SPOPL: variants seen among roughly 807,000 people sequenced by gnomAD.
SPOPL encodes speckle-type POZ protein-like.
SPOPL carries 23 observed loss-of-function variants against 53.8 expected under a neutral mutation model. That is an observed-to-expected ratio of 0.43 (90% confidence interval 0.31 to 0.61). The LOEUF is 0.61. Ranked by LOEUF, SPOPL falls within the 20% of genes least tolerant of loss-of-function variation. The probability of loss-of-function intolerance (pLI) is 0.12; values close to 1 mark genes in which losing one functional copy is unlikely to be tolerated. For missense variants in SPOPL, 442 were observed against 466.9 expected (o/e 0.95, Z 0.49); for synonymous variants, 164 against 149.7 (o/e 1.10, Z -0.70).
Position 138,550,112 on chromosome 2 carries a change from C to A in SPOPL, c.-60-45C>A. 5 of 909,064 alleles carry A rather than the reference C, an allele frequency of 5.5e-6. No individual in the cohort carries two copies. The South Asian group carries it at 6.2e-5, about 11-fold the overall frequency. The allele number at this position is 909,064 out of a possible 1,614,324, so 56.3% of individuals were successfully genotyped here. ...AATATGTCTTCCCTCTTGATTCTGT[C>A]GTTTAAACTTTTTAATCAGTACATC... On this transcript the variant is annotated intron_variant, in intron 1 of 10. Coordinates refer to ENST00000280098, the MANE Select transcript of SPOPL (RefSeq NM_001001664.3).
At chr2:138,537,963 G>T (rs951484074) in intron 1 of SPOPL, among the ~76,000 whole-genome samples, 1 of 152,064 alleles carries the variant, frequency 6.6e-6, no homozygotes, top group Non-Finnish European at 1.5e-5. Flanking sequence ...ATGGGGGTCT[G>T]TTCACATTTT....
At chr2:138,508,512 G>T (rs1255848227) in intron 1 of SPOPL, among the ~76,000 whole-genome samples, 1 of 151,992 alleles carries the variant, frequency 6.6e-6, no homozygotes, top group Admixed American at 6.6e-5. Context: ...TGTATTTTTA[G>T]TAGAGATGGG....
At chr2:138,564,290 C>G (rs768991222) in intron 8 of SPOPL, 1 of 167,824 alleles carries the variant, frequency 6.0e-6, no homozygotes, top group South Asian at 1.5e-4. Flanking sequence ...TACACTAATA[C>G]CTGCAAGAAT....
At chr2:138,565,751 T>C (rs1207297166) in intron 10 of SPOPL, among the ~76,000 whole-genome samples, 1 of 151,540 alleles carries the variant, frequency 6.6e-6, no homozygotes, top group Non-Finnish European at 1.5e-5. Flanking sequence ...TTTTTTTTTT[T>C]GAGACAGAGT....
intron 1 of SPOPL, among the ~76,000 whole-genome samples, chr2:138,509,491 C>G (rs1684283498): frequency 6.6e-6 from 1 of 151,990 alleles, no homozygotes; most frequent in Admixed American, 6.6e-5. Context: ...ACCATTGTTT[C>G]CTGTTTGGGT....
chr2:138,514,035 G>A (rs531853739), intron 1 of SPOPL, among the ~76,000 whole-genome samples: 4 of 152,160 alleles, frequency 2.6e-5, no homozygotes, highest in Non-Finnish European at 5.9e-5. Context: ...CAGCATGTAT[G>A]GTGTTTTATC....
chr2:138,518,490 A>G (rs1464970534), intron 1 of SPOPL, among the ~76,000 whole-genome samples: 2 of 152,270 alleles, frequency 1.3e-5, no homozygotes, highest in Non-Finnish European at 2.9e-5. Flanking sequence ...CTTGTTCAAG[A>G]GTATAAAACC....
intron 1 of SPOPL, among the ~76,000 whole-genome samples, chr2:138,533,486 C>T (rs1413469273): frequency 6.6e-6 from 1 of 152,022 alleles, no homozygotes; most frequent in African/African-American, 2.4e-5. Context: ...CTTCATACCC[C>T]AGGTTTCGTT....
Position 138,527,168 on chromosome 2 carries a change from G to A in SPOPL, c.-60-22989G>A, listed in dbSNP as rs151263801. Among the ~76,000 whole-genome samples the A allele has an allele frequency of 5.5e-3, 832 of 151,914 alleles. 8 individuals are homozygous for A. The highest frequency in any genetic ancestry group is 0.019 in the African/African-American group (802 of 41,418). ...GATTTTCTTTTTTTAATGGAATTTT[G>A]TAGTTTTATCCAGATGTGTCTAGGT... On this transcript the variant is annotated intron_variant, in intron 1 of 10. Transcript: ENST00000280098.
chr2:138,517,864 T>A (rs1411959658), intron 1 of SPOPL, among the ~76,000 whole-genome samples: 1 of 151,124 alleles, frequency 6.6e-6, no homozygotes, highest in Non-Finnish European at 1.5e-5. Context: ...CTGGCCAACA[T>A]GGTGCAAAAA....
chr2:138,512,041 T>C (rs1055084607), intron 1 of SPOPL, among the ~76,000 whole-genome samples: 3 of 152,224 alleles, frequency 2.0e-5, no homozygotes, highest in Admixed American at 2.0e-4. Context: ...GCTTTGCATA[T>C]ATATTGGTTA....
intron 5 of SPOPL, 46 bp from the exon 6 acceptor site, chr2:138,558,976 A>T (rs898727624): frequency 6.7e-7 from 1 of 1,495,650 alleles, no homozygotes; most frequent in Non-Finnish European, 9.0e-7. Context: ...CTAATTACTG[A>T]TATTACTTTG....
At chr2:138,564,885 C>T (rs373324440) in intron 9 of SPOPL, 35 bp downstream of exon 9, 1 of 1,613,542 alleles carries the variant, frequency 6.2e-7, no homozygotes, top group African/African-American at 1.3e-5. Flanking sequence ...GGCATGACAA[C>T]TTCAATATTT....
At chr2:138,561,087 T>A (rs1241685644) in intron 8 of SPOPL, among the ~76,000 whole-genome samples, 160 bp downstream of exon 8, 1 of 152,192 alleles carries the variant, frequency 6.6e-6, no homozygotes, top group East Asian at 1.9e-4. Context: ...ATGAAATTTT[T>A]TTTTAAAAGT....
At chr2:138,560,678 T>C (rs1413209686) in intron 7 of SPOPL, 127 bp from the exon 8 acceptor site, 2 of 1,002,424 alleles carry the variant, frequency 2.0e-6, no homozygotes, top group African/African-American at 3.3e-5. Flanking sequence ...TCTGTGTATG[T>C]ATATTTGAGT....
intron 1 of SPOPL, among the ~76,000 whole-genome samples, chr2:138,543,096 G>A (rs954602062): frequency 3.9e-5 from 6 of 152,142 alleles, no homozygotes; most frequent in Admixed American, 2.0e-4. Flanking sequence ...AGTTTCTGCC[G>A]AGAGATCAGC....
At chr2:138,509,239 A>G (rs898960789) in intron 1 of SPOPL, among the ~76,000 whole-genome samples, 17 of 152,130 alleles carry the variant, frequency 1.1e-4, no homozygotes, top group African/African-American at 3.9e-4. Context: ...CCTTCCCCCA[A>G]CACACACACT....
In SPOPL at chr2:138,522,484, A is replaced by G. The variant is rs77656616; in HGVS notation, c.-61+20365A>G. Among the ~76,000 whole-genome samples, 1,493 of 152,192 alleles carry G rather than the reference A, an allele frequency of 9.8e-3. 26 individuals carry two copies. Among genetic ancestry groups the G allele is most frequent in the African/African-American group, 0.034 (1,419 of 41,510 alleles). Reference sequence around the variant, plus strand: ...TTTAAAACTGGGGTCCTGTGTAAATATATTACCAACGCCAGTTACTTCAGT... The same window carrying G: ...TTTAAAACTGGGGTCCTGTGTAAATGTATTACCAACGCCAGTTACTTCAGT... On this transcript the variant is annotated intron_variant, in intron 1 of 10. Coordinates refer to ENST00000280098, the MANE Select transcript of SPOPL (RefSeq NM_001001664.3).
At chr2:138,550,802 T>C in intron 3 of SPOPL, 101 bp from the exon 4 acceptor site, 1 of 1,433,590 alleles carries the variant, frequency 7.0e-7, no homozygotes, top group Non-Finnish European at 9.4e-7. Flanking sequence ...CATTAACACA[T>C]GATTTCAGTG....
Sources: gnomAD v4.1 joint callset for allele counts (sites outside exome capture counted in the v4.1 genomes callset) on GRCh38, gnomAD v4.1.1 for gene constraint, MANE v1.5 for transcripts, NCBI Gene and HGNC (gene_info 2026-07-23, HGNC 2026-07-21) for gene names.